The following CFAP299 variants were observed in gnomAD, a reference collection of about 807,000 sequenced individuals.
CFAP299 encodes cilia- and flagella-associated protein 299.
A neutral mutation model predicts 27.0 loss-of-function variants in CFAP299; 21 were observed. That is an observed-to-expected ratio of 0.78 (90% confidence interval 0.55 to 1.12). CFAP299 has a LOEUF of 1.12. Ranked by LOEUF, CFAP299 falls within the 50% of genes most tolerant of loss-of-function variation. The probability of loss-of-function intolerance (pLI) is 0.00; values close to 1 mark genes in which losing one functional copy is unlikely to be tolerated. For missense variants in CFAP299, 310 were observed against 276.6 expected, an observed-to-expected ratio of 1.12 and a Z score of -0.86; for synonymous variants, 104 against 98.1, an observed-to-expected ratio of 1.06 and a Z score of -0.36.
At chr4:80,741,343 G>T (rs1724257236) in intron 3 of CFAP299, among the ~76,000 whole-genome samples, 1 of 152,098 alleles carries the variant, frequency 6.6e-6, no homozygotes, top group Non-Finnish European at 1.5e-5. Context: ...CCACCTCCTG[G>T]GTTCAAGCAA....
chr4:80,878,102 G>A (rs925940825), intron 4 of CFAP299, among the ~76,000 whole-genome samples: 3 of 152,014 alleles, frequency 2.0e-5, no homozygotes, highest in Non-Finnish European at 4.4e-5. Flanking sequence ...TGTCCAAAAT[G>A]TATTATAGCT....
At chr4:80,929,026 A>C (rs893235857) in intron 4 of CFAP299, among the ~76,000 whole-genome samples, 1 of 152,128 alleles carries the variant, frequency 6.6e-6, no homozygotes, top group African/African-American at 2.4e-5. Flanking sequence ...AATTCCCATC[A>C]AATCAGTAGA....
intron 3 of CFAP299, among the ~76,000 whole-genome samples, chr4:80,787,067 G>A (rs1157653794): frequency 6.6e-6 from 1 of 151,616 alleles, no homozygotes; most frequent in Non-Finnish European, 1.5e-5. Flanking sequence ...CAACAAACTT[G>A]TTAACAACAG....
At chr4:80,797,127 C>G (rs1046073480) in intron 3 of CFAP299, among the ~76,000 whole-genome samples, 1 of 152,136 alleles carries the variant, frequency 6.6e-6, no homozygotes, top group East Asian at 1.9e-4. Flanking sequence ...CAGTAGTCCT[C>G]AAAATGTCTG....
At chr4:80,436,895 C>T (rs1256680377) in intron 2 of CFAP299, among the ~76,000 whole-genome samples, 5 of 152,092 alleles carry the variant, frequency 3.3e-5, no homozygotes, top group African/African-American at 4.8e-5. Flanking sequence ...TCAGCTATTG[C>T]TTCTGTTTAA....
In CFAP299 at chr4:80,534,724, T is replaced by G. The variant is rs138991409; in HGVS notation, c.243-48369T>G. On this transcript the variant is annotated intron_variant, in intron 2 of 5. Coordinates refer to ENST00000358105, the MANE Select transcript of CFAP299 (RefSeq NM_152770.3). ...ATAGGCCCATATGACACTAGAAATG[T>G]CACTAAAATTGATTTTCATTTATTA... Among the ~76,000 whole-genome samples, 451 of 152,270 alleles carry G rather than the reference T, an allele frequency of 3.0e-3. 1 individual carries two copies. The highest frequency in any genetic ancestry group is 0.01 in the Middle Eastern group (3 of 294).
chr4:80,385,431 A>T (rs935883667), intron 2 of CFAP299, among the ~76,000 whole-genome samples: 1 of 151,958 alleles, frequency 6.6e-6, no homozygotes, highest in African/African-American at 2.4e-5. Context: ...TACACTACAT[A>T]TACTATATTT....
chr4:80,699,314 A>G (rs559083006), intron 3 of CFAP299, among the ~76,000 whole-genome samples: 1 of 152,282 alleles, frequency 6.6e-6, no homozygotes, highest in East Asian at 1.9e-4. Context: ...TGGCTTGTCA[A>G]CATCTCACTG....
rs67077343 is a variant in CFAP299, at chr4:80,519,178, A to ATG, written c.243-63897_243-63896dup. ...GTGTTTGTGTGTGTACTCTGTTAAT[A>ATG]TGTGTGTGTGTGTGTGTGTATGTGT... is the stretch of plus-strand genomic sequence containing the variant. On this transcript the variant is annotated intron_variant, in intron 2 of 5. Transcript: ENST00000358105. Among the ~76,000 whole-genome samples the ATG allele has an allele frequency of 8.4e-4, 126 of 150,502 alleles. 1 individual carries two copies. Among genetic ancestry groups the ATG allele is most frequent in the South Asian group, 1.7e-3 (8 of 4,756 alleles).
chr4:80,725,205 C>A (rs1288328583), intron 3 of CFAP299, among the ~76,000 whole-genome samples: 1 of 150,076 alleles, frequency 6.7e-6, no homozygotes, highest in Non-Finnish European at 1.5e-5. Context: ...ATCCACCCAC[C>A]TTGGCCTCCC....
chr4:80,593,685 GTGT>G (rs1266678295), intron 3 of CFAP299, among the ~76,000 whole-genome samples: 1 of 152,070 alleles, frequency 6.6e-6, no homozygotes, highest in Non-Finnish European at 1.5e-5. Context: ...TACTGATTTT[GTGT>G]TGTTCATTTT....
At chr4:80,349,981 TG>T (rs1262826673) in intron 1 of CFAP299, among the ~76,000 whole-genome samples, 2 of 152,178 alleles carry the variant, frequency 1.3e-5, no homozygotes, top group African/African-American at 4.8e-5. Context: ...GAAAAAATGC[TG>T]AAATCCTATT....
chr4:80,599,513 G>A (rs1264322002), intron 3 of CFAP299, among the ~76,000 whole-genome samples: 1 of 152,086 alleles, frequency 6.6e-6, no homozygotes, highest in African/African-American at 2.4e-5. Flanking sequence ...AAGTGATGTA[G>A]TTAGTGACCC....
intron 2 of CFAP299, among the ~76,000 whole-genome samples, chr4:80,372,168 A>G (rs887736161): frequency 2.0e-5 from 3 of 152,202 alleles, no homozygotes; most frequent in Non-Finnish European, 4.4e-5. Flanking sequence ...AGCATTTCAC[A>G]CAGACTTAGC....
chr4:80,953,269 A>G (rs1323906554), intron 5 of CFAP299, among the ~76,000 whole-genome samples: 2 of 152,188 alleles, frequency 1.3e-5, no homozygotes, highest in South Asian at 2.1e-4. Context: ...CCTCTTATAA[A>G]TGTTGCTTTT....
chr4:80,496,094 T>C (rs1027651266), intron 2 of CFAP299, among the ~76,000 whole-genome samples: 4 of 152,242 alleles, frequency 2.6e-5, no homozygotes, highest in Admixed American at 2.6e-4. Context: ...CTTTTTTTAG[T>C]TATGCAAATT....
intron 3 of CFAP299, among the ~76,000 whole-genome samples, chr4:80,731,327 T>C (rs553888533): frequency 6.6e-6 from 1 of 152,300 alleles, no homozygotes; most frequent in South Asian, 2.1e-4. Flanking sequence ...CACAGTAAAA[T>C]CACCAAATCT....
rs189531390 is a variant in CFAP299, at chr4:80,685,443, A to C, written c.333+102260A>C. 2.2e-4 allele frequency among the ~76,000 whole-genome samples: 33 copies of C among 152,218 alleles called. 1 individual carries two copies. The highest frequency in any genetic ancestry group is 2.0e-3 in the Admixed American group (30 of 15,286). The stretch of plus-strand genomic sequence containing the variant: ...ACTGAAGTGTTACATTCATTATGTC[A>C]TACCACACACATCTGATAAGGGAAG... On this transcript the variant is annotated intron_variant, in intron 3 of 5. Transcript: ENST00000358105.
chr4:80,744,234 T>C (rs540205727), intron 3 of CFAP299, among the ~76,000 whole-genome samples: 2 of 152,242 alleles, frequency 1.3e-5, no homozygotes, highest in South Asian at 4.1e-4. Context: ...ACTTAACAGA[T>C]GTGCTGCCAC....
Sources: gnomAD v4.1 joint callset for allele counts (sites outside exome capture counted in the v4.1 genomes callset) on GRCh38, gnomAD v4.1.1 for gene constraint, MANE v1.5 for transcripts, NCBI Gene and HGNC (gene_info 2026-07-23, HGNC 2026-07-21) for gene names.